Variants in MTUS1 observed in about 807,000 individuals in gnomAD.
MTUS1 encodes the protein microtubule-associated tumor suppressor 1.
Under a neutral mutation model 120.8 loss-of-function variants are expected in MTUS1, and 109 were observed. That is an observed-to-expected ratio of 0.90 (90% CI 0.77 to 1.06). The LOEUF is 1.06. MTUS1 is among the 50% of genes least tolerant of loss of function. MTUS1 has a pLI of 0.00. For synonymous variants in MTUS1, 737 were observed against 550.5 expected (o/e 1.34, Z -4.74); for missense variants, 2,210 against 1,486.3 (o/e 1.49, Z -8.01).
In MTUS1 at chr8:17,798,941, G is replaced by A. The variant is rs183986941; in HGVS notation, c.-155+2120C>T. Among the ~76,000 whole-genome samples, 405 of 152,134 alleles carry A rather than the reference G, an allele frequency of 2.7e-3. 1 individual carries two copies. The highest frequency in any genetic ancestry group is 9.5e-3 in the South Asian group (46 of 4,820). On this transcript the variant is annotated intron_variant, in intron 1 of 14. Transcript: ENST00000693296. ...TGGAAAACAACTAGATTTCTTTGGT[G>A]TTCAAATCATCTGTAATCAAAGAAA... is the stretch of plus-strand genomic sequence containing the variant.
chr8:17,656,511 G>C (rs573871282), intron 8 of MTUS1, among the ~76,000 whole-genome samples: 3 of 150,406 alleles, frequency 2.0e-5, no homozygotes, highest in East Asian at 4.0e-4. Context: ...CGGGGTGACA[G>C]ACTGAGACTC....
chr8:17,800,154 G>A (rs989698438), intron 1 of MTUS1, among the ~76,000 whole-genome samples: 1 of 152,248 alleles, frequency 6.6e-6, no homozygotes, highest in Admixed American at 6.5e-5. Context: ...CTGGTTCCCA[G>A]GAAGCAATGA....
intron 6 of MTUS1, among the ~76,000 whole-genome samples, chr8:17,703,503 C>T (rs114121045): frequency 4.0e-5 from 6 of 151,780 alleles, no homozygotes; most frequent in Non-Finnish European, 5.9e-5. Flanking sequence ...CGTGGTGGTG[C>T]GCACCTGTAG....
chr8:17,694,894 G>C (rs945579987), intron 6 of MTUS1, among the ~76,000 whole-genome samples: 1 of 152,148 alleles, frequency 6.6e-6, no homozygotes, highest in African/African-American at 2.4e-5. Context: ...AGGGGAACCT[G>C]GAAGTCATCT....
At chr8:17,721,651 T>A (rs977896570) in intron 4 of MTUS1, 73 of 1,502,554 alleles carry the variant, frequency 4.9e-5, no homozygotes, top group Non-Finnish European at 9.8e-6. Context: ...CCTAAATCAA[T>A]TTATTGAATA....
rs116583840 is a variant in MTUS1 at position 17,684,301 on chromosome 8, G to C, written c.2838+27C>G. ...GTGCTCCCCCGACCTCAAGTAGAAA[G>C]GCTCTTTCTAGGATGCACCTCCTTA... On this transcript the variant is annotated intron_variant, in intron 7 of 14. Transcript: ENST00000693296. The C allele has an allele frequency of 9.5e-4, 1,514 of 1,586,298 alleles. 7 individuals carry two copies. The highest frequency in any genetic ancestry group is 9.1e-3 in the African/African-American group (678 of 74,496).
chr8:17,734,511 G>A (rs1050358639), intron 3 of MTUS1, among the ~76,000 whole-genome samples: 6 of 152,044 alleles, frequency 3.9e-5, no homozygotes, highest in East Asian at 1.9e-4. Context: ...CCACAGAAGC[G>A]CAGCATTCTC....
In MTUS1 at chr8:17,755,843, TC is replaced by T. The variant is rs779934776; in HGVS notation, c.-37del. 10 of 1,570,604 alleles carry T rather than the reference TC, an allele frequency of 6.4e-6. No homozygotes were observed. Among genetic ancestry groups the T allele is most frequent in the Admixed American group, 3.7e-5 (2 of 54,698 alleles). ...AACCTTAAACCTCTGCCATTTTATT[TC>T]TTCTTCAATTCCTTTTAAATGAGAG... On this transcript the variant is annotated 5_prime_UTR_variant, in exon 2 of 15. Transcript: ENST00000693296.
chr8:17,732,157 C>T (rs1422225700), intron 3 of MTUS1, among the ~76,000 whole-genome samples: 3 of 152,290 alleles, frequency 2.0e-5, no homozygotes, highest in Admixed American at 6.5e-5. Flanking sequence ...AACTGAAAAG[C>T]CAATGACAAA....
At chr8:17,697,375 C>G in intron 6 of MTUS1, 1 of 1,614,010 alleles carries the variant, frequency 6.2e-7, no homozygotes, top group Non-Finnish European at 8.5e-7. Flanking sequence ...GAGACAACAA[C>G]ATGTCTTCGG....
chr8:17,793,199 C>T (rs1430793304), intron 1 of MTUS1, among the ~76,000 whole-genome samples: 1 of 152,196 alleles, frequency 6.6e-6, no homozygotes, highest in Non-Finnish European at 1.5e-5. Context: ...TGTATTTGCA[C>T]ATGGGTATGC....
chr8:17,646,854 C>A, intron 14 of MTUS1, 128 bp downstream of exon 14: 1 of 669,664 alleles, frequency 1.5e-6, no homozygotes, highest in South Asian at 1.9e-5. Flanking sequence ...ACAGAGAAAT[C>A]AATGCCCTTT....
In MTUS1 at chr8:17,644,163, T is replaced by C. The variant is rs751701324; in HGVS notation, c.*1763A>G. On this transcript the variant is annotated 3_prime_UTR_variant, in exon 15 of 15. Transcript: ENST00000693296. Reference sequence around the variant, plus strand: ...CAACTTGGAAGCGTGAGCAGAGATATCTCATGAAGTGGCAGTGAACCTACA... The same window carrying C: ...CAACTTGGAAGCGTGAGCAGAGATACCTCATGAAGTGGCAGTGAACCTACA... The C allele has an allele frequency of 3.9e-5, 6 of 152,234 alleles. No homozygotes were observed. The highest frequency in any genetic ancestry group is 8.8e-5 in the Non-Finnish European group (6 of 68,040). 9.4% of individuals were successfully genotyped at this position (152,234 alleles called of 1,614,324 possible). A position where few individuals can be genotyped will look rare whatever the true frequency, so the allele number is the denominator to read the frequency against.
intron 6 of MTUS1, among the ~76,000 whole-genome samples, chr8:17,703,667 G>A (rs1223668861): frequency 2.0e-5 from 3 of 151,140 alleles, no homozygotes. Context: ...ATACGCCCTG[G>A]TCTCCTAGTC....
At chr8:17,706,033 A>T (rs1225374478) in intron 6 of MTUS1, 1 of 152,134 alleles carries the variant, frequency 6.6e-6, no homozygotes, top group African/African-American at 2.4e-5. Context: ...CGTTTAAATA[A>T]ATTACAACAG....
chr8:17,656,425 G>A (rs1808244001), intron 8 of MTUS1, among the ~76,000 whole-genome samples: 2 of 151,830 alleles, frequency 1.3e-5, no homozygotes, highest in Non-Finnish European at 2.9e-5. Context: ...CTACTCGGGA[G>A]GGTGAGGCAG....
chr8:17,778,866 C>T (rs548366203), intron 1 of MTUS1, among the ~76,000 whole-genome samples: 2 of 152,192 alleles, frequency 1.3e-5, no homozygotes, highest in Admixed American at 6.5e-5. Flanking sequence ...CAAACCAAAG[C>T]TACTGAGGCA....
At chr8:17,658,771 T>C (rs1398418258) in intron 8 of MTUS1, among the ~76,000 whole-genome samples, 5 of 152,172 alleles carry the variant, frequency 3.3e-5, no homozygotes, top group African/African-American at 4.8e-5. Context: ...GAAGATTTCC[T>C]ACAATGGTGT....
In MTUS1 at chr8:17,684,535, C is replaced by G. The variant is rs773886116; in HGVS notation, c.2631G>C (p.Lys877Asn). The G allele has an allele frequency of 1.9e-6, 3 of 1,613,124 alleles. No homozygotes were observed. Among genetic ancestry groups the G allele is most frequent in the Non-Finnish European group, 1.7e-6 (2 of 1,179,726 alleles). ...AGCTTCGAGGATTCTTTTGCCTGCT[C>G]TTTTCAACTGCAAAACGAATTAACA... ...NLFTALNAVE[K>N]SRQKNPRSLC... is the part of the protein sequence containing the mutation. Residue 877 changes from lysine (K) to asparagine (N), a missense_variant, in exon 7 of 15, where the codon AAG becomes AAC. Lys to Asn is a moderately conservative substitution (Grantham distance 94). Transcript: ENST00000693296.
Sources: gnomAD v4.1 joint callset for allele counts (sites outside exome capture counted in the v4.1 genomes callset) on GRCh38, gnomAD v4.1.1 for gene constraint, MANE v1.5 for transcripts, NCBI Gene and HGNC (gene_info 2026-07-23, HGNC 2026-07-21) for gene names.